The following EFCAB11 variants were observed in gnomAD, a reference collection of about 807,000 sequenced individuals.
The protein encoded by EFCAB11 is EF-hand calcium-binding domain-containing protein 11.
EFCAB11 carries 14 observed loss-of-function variants against 23.0 expected under a neutral mutation model. The observed-to-expected ratio is 0.61, with a 90% confidence interval of 0.40 to 0.95. EFCAB11 has a LOEUF of 0.95. EFCAB11 is among the 40% of genes least tolerant of loss of function. EFCAB11 has a pLI of 0.00. For missense variants in EFCAB11, 198 were observed against 195.8 expected, an observed-to-expected ratio of 1.01 and a Z score of -0.07; for synonymous variants, 65 against 66.6, an observed-to-expected ratio of 0.98 and a Z score of 0.11.
chr14:89,813,242 T>C (rs1176974818), intron 5 of EFCAB11, among the ~76,000 whole-genome samples: 2 of 152,184 alleles, frequency 1.3e-5, no homozygotes, highest in Non-Finnish European at 2.9e-5. Flanking sequence ...ATTAGGCAAT[T>C]GGGTAAGAAG....
intron 5 of EFCAB11, among the ~76,000 whole-genome samples, chr14:89,851,399 C>T (rs926485660): frequency 1.3e-5 from 2 of 152,046 alleles, no homozygotes; most frequent in Non-Finnish European, 2.9e-5. Context: ...TCCCAGTTCA[C>T]AAAAAGAGAG....
chr14:89,894,689 A>G (rs1461548377), intron 5 of EFCAB11, among the ~76,000 whole-genome samples: 1 of 152,234 alleles, frequency 6.6e-6, no homozygotes, highest in Non-Finnish European at 1.5e-5. Flanking sequence ...AATAAATGAT[A>G]TAAGGATTGG....
chr14:89,900,474 T>G (rs904108349), intron 5 of EFCAB11, among the ~76,000 whole-genome samples: 17 of 152,120 alleles, frequency 1.1e-4, no homozygotes, highest in Non-Finnish European at 5.9e-5. Context: ...CATACACACT[T>G]ACATACCACA....
intron 5 of EFCAB11, among the ~76,000 whole-genome samples, chr14:89,824,901 A>G (rs1886639650): frequency 6.6e-6 from 1 of 152,086 alleles, no homozygotes; most frequent in Non-Finnish European, 1.5e-5. Context: ...AGACAAATCC[A>G]TTATCATAGC....
chr14:89,929,239 A>G (rs1392925443), intron 5 of EFCAB11, among the ~76,000 whole-genome samples: 2 of 151,968 alleles, frequency 1.3e-5, no homozygotes, highest in East Asian at 1.9e-4. Context: ...TTTTGTGTAG[A>G]GACAGGGTCT....
chr14:89,810,839 C>T (rs941257597), intron 5 of EFCAB11, among the ~76,000 whole-genome samples: 1 of 151,908 alleles, frequency 6.6e-6, no homozygotes, highest in East Asian at 1.9e-4. Flanking sequence ...ATGGTCCACG[C>T]ACAGTAGGTT....
chr14:89,802,221 A>G (rs865810495), intron 5 of EFCAB11, among the ~76,000 whole-genome samples: 105 of 151,770 alleles, frequency 6.9e-4, no homozygotes, highest in Middle Eastern at 6.8e-3. Context: ...AAAAAAAAAA[A>G]AAAGAAAGAA....
At chr14:89,799,724 G>A (rs1885706410) in intron 5 of EFCAB11, among the ~76,000 whole-genome samples, 1 of 150,892 alleles carries the variant, frequency 6.6e-6, no homozygotes. Context: ...CTTTGCTGCT[G>A]TGGCCCCACT....
At chr14:89,842,637 G>GATATGATATGATATGATATGATATA (rs1304143561) in intron 5 of EFCAB11, among the ~76,000 whole-genome samples, 1 of 48,976 alleles carries the variant, frequency 2.0e-5, no homozygotes, top group African/African-American at 4.8e-5. Context: ...GATATGATAT[G>GATATGATATGATATGATATGATATA]ATATAATATA....
At chr14:89,900,695 A>G (rs1056261229) in intron 5 of EFCAB11, among the ~76,000 whole-genome samples, 1 of 152,220 alleles carries the variant, frequency 6.6e-6, no homozygotes, top group Non-Finnish European at 1.5e-5. Flanking sequence ...AATCTATTAA[A>G]CCACAGAATC....
Position 89,953,988 on chromosome 14 carries a change from C to T in EFCAB11, c.89G>A (p.Cys30Tyr). The stretch of plus-strand genomic sequence containing the variant: ...GAGATATCCTTTGTGATCTTCATCA[C>T]ATGCTTTAAATACCTGAAGAACATT... ...HRKWVEVFKA[C>Y]DEDHKGYLSR... The change falls in exon 2 of 6, where the codon TGT (cysteine) becomes TAT (tyrosine). Residue 30 changes from cysteine (C) to tyrosine (Y), a missense_variant. Cys to Tyr is a radical substitution (Grantham distance 194). Transcript: ENST00000316738. 3 of 1,613,006 alleles carry T rather than the reference C, an allele frequency of 1.9e-6. No homozygotes were observed. Among genetic ancestry groups the T allele is most frequent in the Non-Finnish European group, 2.5e-6 (3 of 1,179,702 alleles).
intron 5 of EFCAB11, among the ~76,000 whole-genome samples, chr14:89,895,130 G>A (rs998747109): frequency 7.2e-5 from 11 of 152,240 alleles, no homozygotes; most frequent in African/African-American, 2.4e-4. Flanking sequence ...CATACAAATA[G>A]AATGGGGGTT....
At chr14:89,814,081 A>G (rs1379816616) in intron 5 of EFCAB11, among the ~76,000 whole-genome samples, 1 of 116,274 alleles carries the variant, frequency 8.6e-6, no homozygotes, top group East Asian at 2.3e-4. Flanking sequence ...GAAAAAAAAA[A>G]CTAACCTTTT....
intron 5 of EFCAB11, chr14:89,924,744 T>C (rs993230886): frequency 3.3e-6 from 5 of 1,518,542 alleles, no homozygotes; most frequent in African/African-American, 1.4e-5. Context: ...CAGAGGAAAA[T>C]GGAAAGCAAA....
intron 5 of EFCAB11, among the ~76,000 whole-genome samples, chr14:89,845,729 A>G (rs1887410892): frequency 6.6e-6 from 1 of 152,170 alleles, no homozygotes; most frequent in Non-Finnish European, 1.5e-5. Flanking sequence ...GGGGTGATGG[A>G]ATGCCCAAAG....
chr14:89,840,507 T>C (rs1412088109), intron 5 of EFCAB11, among the ~76,000 whole-genome samples: 1 of 152,206 alleles, frequency 6.6e-6, no homozygotes, highest in Admixed American at 6.5e-5. Flanking sequence ...GTAATGACCA[T>C]TGAGGAACAA....
intron 5 of EFCAB11, among the ~76,000 whole-genome samples, chr14:89,881,297 T>G (rs930824765): frequency 2.3e-4 from 35 of 150,790 alleles, no homozygotes; most frequent in African/African-American, 8.3e-4. Context: ...TTAAAAGAAG[T>G]AAAAGGCTGA....
intron 5 of EFCAB11, among the ~76,000 whole-genome samples, chr14:89,876,428 A>G (rs533091358): frequency 6.6e-6 from 1 of 152,288 alleles, no homozygotes; most frequent in East Asian, 1.9e-4. Context: ...TGGGTAGCTG[A>G]TTAGGACGGG....
intron 5 of EFCAB11, among the ~76,000 whole-genome samples, chr14:89,856,726 T>C (rs1887767743): frequency 6.6e-6 from 1 of 152,260 alleles, no homozygotes; most frequent in African/African-American, 2.4e-5. Context: ...GTCATTTTTA[T>C]GTCTTCTTTG....
Sources: gnomAD v4.1 joint callset for allele counts (sites outside exome capture counted in the v4.1 genomes callset) on GRCh38, gnomAD v4.1.1 for gene constraint, MANE v1.5 for transcripts, NCBI Gene and HGNC (gene_info 2026-07-23, HGNC 2026-07-21) for gene names.